PCDH15: variants seen among roughly 807,000 people sequenced by gnomAD.
PCDH15 encodes protocadherin related 15.
A neutral mutation model predicts 178.5 loss-of-function variants in PCDH15; 129 were observed. The ratio of observed to expected loss-of-function variants is 0.72; its 90% CI spans 0.63 to 0.84. The LOEUF (loss-of-function observed/expected upper bound fraction) is 0.84. Ranked by LOEUF, PCDH15 falls within the 40% of genes least tolerant of loss-of-function variation. The pLI, the probability that PCDH15 is intolerant of heterozygous loss-of-function variation, is 0.00. For missense variants in PCDH15, 2,230 were observed against 2,099.9 expected (o/e 1.06, Z -1.21); for synonymous variants, 800 against 732.0 (o/e 1.09, Z -1.50).
At chr10:54,195,574 CTTAA>C (rs2049517952) in intron 11 of PCDH15, 105 bp downstream of exon 11, 1 of 942,122 alleles carries the variant, frequency 1.1e-6, no homozygotes, top group African/African-American at 1.7e-5. Flanking sequence ...CTTACAGTGA[CTTAA>C]TTCTCTCTTC....
chr10:54,631,445 T>C (rs768404129), intron 2 of PCDH15, among the ~76,000 whole-genome samples: 3 of 152,192 alleles, frequency 2.0e-5, no homozygotes, highest in Admixed American at 6.6e-5. Flanking sequence ...GGAATGGTTA[T>C]ACACTCTAGG....
rs577955664 is a variant in PCDH15 at position 54,183,704 on chromosome 10, G to C, written c.1441-111C>G. ...TTACAGGTAATCTTACAATTTGAAA[G>C]GGTGCAAAAATATTTTGTTGATAAA... On this transcript the variant is annotated intron_variant, in intron 12 of 37. Transcript: ENST00000644397. 4.3e-4 allele frequency: 548 copies of C among 1,272,624 alleles called. 2 individuals carry two copies. In the African/African-American group the frequency reaches 7.4e-3, roughly 17 times the overall value. 78.8% of individuals were successfully genotyped at this position (1,272,624 alleles called of 1,614,324 possible). A position where few individuals can be genotyped will look rare whatever the true frequency, so the allele number is the denominator to read the frequency against.
intron 2 of PCDH15, among the ~76,000 whole-genome samples, chr10:54,975,732 G>A (rs764644413): frequency 3.9e-5 from 6 of 152,030 alleles, no homozygotes; most frequent in Non-Finnish European, 5.9e-5. Context: ...ATGATAATAC[G>A]GTATTTGTAT....
chr10:54,980,210 T>C (rs1839196168), intron 2 of PCDH15, among the ~76,000 whole-genome samples: 3 of 152,184 alleles, frequency 2.0e-5, no homozygotes, highest in Non-Finnish European at 4.4e-5. Context: ...CTAGGCATAA[T>C]TAATACCAGC....
chr10:54,412,339 T>C (rs907828835), intron 3 of PCDH15, among the ~76,000 whole-genome samples: 2 of 151,878 alleles, frequency 1.3e-5, no homozygotes, highest in African/African-American at 2.4e-5. Flanking sequence ...TTTGCTTGAA[T>C]ATTACATCTT....
intron 6 of PCDH15, among the ~76,000 whole-genome samples, chr10:54,338,856 C>A (rs11004245): frequency 0.11 from 17,085 of 150,978 alleles, 1,032 homozygotes; most frequent in Middle Eastern, 0.2. Flanking sequence ...TGCCTCCAGT[C>A]TGGCATTAAA....
intron 9 of PCDH15, among the ~76,000 whole-genome samples, chr10:54,231,185 G>A (rs568632273): frequency 1.1e-4 from 16 of 152,174 alleles, no homozygotes; most frequent in South Asian, 4.1e-4. Context: ...CCAGGACCAC[G>A]GCTCCACTGC....
intron 1 of PCDH15, among the ~76,000 whole-genome samples, chr10:55,312,568 G>A (rs1843612068): frequency 6.6e-6 from 1 of 151,778 alleles, no homozygotes; most frequent in African/African-American, 2.4e-5. Flanking sequence ...ATATATAAAA[G>A]GAATATGAGC....
At chr10:54,071,479 T>TAA (rs2094241671) in intron 17 of PCDH15, among the ~76,000 whole-genome samples, 2 of 152,158 alleles carry the variant, frequency 1.3e-5, no homozygotes, top group African/African-American at 4.8e-5. Flanking sequence ...AAAATGCATT[T>TAA]TTTTATCATT....
At chr10:55,345,162 T>C (rs1289616950) in intron 2 of PCDH15, among the ~76,000 whole-genome samples, 7 of 148,508 alleles carry the variant, frequency 4.7e-5, no homozygotes, top group Non-Finnish European at 9.0e-5. Flanking sequence ...TCTCTCTATA[T>C]ATATATATAT....
intron 10 of PCDH15, among the ~76,000 whole-genome samples, chr10:54,207,587 G>A (rs2050950941): frequency 6.6e-6 from 1 of 151,950 alleles, no homozygotes; most frequent in Non-Finnish European, 1.5e-5. Context: ...GAGTCAAATT[G>A]TTGCTGTTCT....
intron 2 of PCDH15, among the ~76,000 whole-genome samples, chr10:55,012,803 T>C (rs1840079030): frequency 6.6e-6 from 1 of 152,108 alleles, no homozygotes; most frequent in African/African-American, 2.4e-5. Context: ...TTATCTTTCC[T>C]CTTCAGAATC....
intron 20 of PCDH15, among the ~76,000 whole-genome samples, chr10:53,996,288 A>T (rs998337175): frequency 1.3e-5 from 2 of 152,138 alleles, no homozygotes; most frequent in Admixed American, 1.3e-4. Flanking sequence ...TTTTCTCTGC[A>T]GCGCACTAAA....
intron 2 of PCDH15, among the ~76,000 whole-genome samples, chr10:55,607,314 T>A (rs1430014101): frequency 6.6e-6 from 1 of 150,910 alleles, no homozygotes; most frequent in Non-Finnish European, 1.5e-5. Flanking sequence ...TGTAAACTAG[T>A]TCAACCATTG....
chr10:55,287,438 T>C (rs1206535471), intron 1 of PCDH15, among the ~76,000 whole-genome samples: 1 of 152,074 alleles, frequency 6.6e-6, no homozygotes, highest in Non-Finnish European at 1.5e-5. Context: ...AATTAGTGAT[T>C]TGAAAAGTGT....
intron 2 of PCDH15, among the ~76,000 whole-genome samples, chr10:55,476,922 A>C (rs1840073130): frequency 1.3e-5 from 2 of 151,962 alleles, no homozygotes; most frequent in African/African-American, 2.4e-5. Flanking sequence ...CTAAGAAAAA[A>C]ATCCAGTTTT....
intron 1 of PCDH15, among the ~76,000 whole-genome samples, chr10:55,203,248 T>A (rs1211454556): frequency 2.6e-5 from 4 of 152,064 alleles, no homozygotes; most frequent in Non-Finnish European, 5.9e-5. Flanking sequence ...TTCCATAAAT[T>A]CTACAACTTC....
At chr10:53,924,936 T>C (rs900021348) in intron 25 of PCDH15, among the ~76,000 whole-genome samples, 17 of 152,134 alleles carry the variant, frequency 1.1e-4, no homozygotes, top group African/African-American at 3.9e-4. Context: ...AACTTTTGCG[T>C]CTAGCTCAGG....
intron 26 of PCDH15, among the ~76,000 whole-genome samples, chr10:53,881,325 G>A (rs954493577): frequency 6.6e-6 from 1 of 152,088 alleles, no homozygotes; most frequent in Non-Finnish European, 1.5e-5. Context: ...GTGGGAGAGG[G>A]TGAAGGATGA....
Sources: gnomAD v4.1 joint callset for allele counts (sites outside exome capture counted in the v4.1 genomes callset) on GRCh38, gnomAD v4.1.1 for gene constraint, MANE v1.5 for transcripts, NCBI Gene and HGNC (gene_info 2026-07-23, HGNC 2026-07-21) for gene names.